The following PIKFYVE variants were observed in gnomAD, a reference collection of about 807,000 sequenced individuals.
The protein encoded by PIKFYVE is phosphoinositide kinase, FYVE-type zinc finger containing.
PIKFYVE carries 122 observed loss-of-function variants against 257.9 expected under a neutral mutation model. That is an observed-to-expected ratio of 0.47 (90% CI 0.41 to 0.55). PIKFYVE has a LOEUF of 0.55. Among genes scored for constraint, PIKFYVE ranks in the 20% least tolerant of loss-of-function variants. The pLI is 0.00. For synonymous variants in PIKFYVE, 892 were observed against 868.9 expected (o/e 1.03, Z -0.47); for missense variants, 2,160 against 2,536.6 (o/e 0.85, Z 3.19).
rs748688653 is a variant in PIKFYVE, at chr2:208,354,629, A to C, written c.6165A>C (p.Gly2055=). The C allele has an allele frequency of 5.0e-6, 8 of 1,612,762 alleles. No homozygotes were observed. The African/African-American group carries it at 9.3e-5, about 19-fold the overall frequency. ...TTGAGATGGTTGTGAAATCAACAGG[A>C]ATTTTAGGTGGACAAGGTGAGAATT... The part of the protein sequence containing the change: ...KKLEMVVKST[G]ILGGQGKMPT... Residue 2055 remains glycine (G), a synonymous_variant, in exon 41 of 42, where the codon GGA becomes GGC. Transcript: ENST00000264380.
At chr2:208,303,796 G>C (rs931372750) in intron 10 of PIKFYVE, among the ~76,000 whole-genome samples, 1 of 152,230 alleles carries the variant, frequency 6.6e-6, no homozygotes, top group African/African-American at 2.4e-5. Context: ...AAATATTGGT[G>C]TGGCATGATT....
rs994697 is a variant in PIKFYVE, at chr2:208,350,862, A to G, written c.5526A>G (p.Glu1842=). 0.97 allele frequency: 1,568,586 copies of G among 1,614,090 alleles called. 763,677 individuals carry two copies. Among genetic ancestry groups the G allele is most frequent in the Non-Finnish European group, 0.98 (1,160,994 of 1,180,042 alleles). ...GTGAAGTGATTCTGGACAGCAGTGAAGAAGATTTCATTCGTTCCCTCTCCC... is the reference window on the plus strand; with the variant it reads ...GTGAAGTGATTCTGGACAGCAGTGAGGAAGATTTCATTCGTTCCCTCTCCC... ...KMREVILDSS[E]EDFIRSLSHS... The change falls in exon 37 of 42, where the codon GAA becomes GAG. Residue 1842 remains glutamate, a synonymous_variant. Coordinates refer to ENST00000264380, the MANE Select transcript of PIKFYVE (RefSeq NM_015040.4).
At position 208,345,148 on chromosome 2, in the gene PIKFYVE, A is replaced by C. The variant is rs372416982; in HGVS notation, c.5065A>C (p.Lys1689Gln). The change falls in exon 33 of 42, where the codon AAA (lysine) becomes CAA (glutamine). Residue 1689 changes from lysine to glutamine, a missense_variant. Physicochemically the swap from Lys to Gln is moderately conservative, Grantham distance 53. Around this residue, in one of 12 missense-constraint regions of PIKFYVE, gnomAD observed 699 missense variants for 855.8 expected, o/e 0.82. Coordinates refer to ENST00000264380, the MANE Select transcript of PIKFYVE (RefSeq NM_015040.4). The stretch of plus-strand genomic sequence containing the variant: ...CCGAAATGCCTTAGAGGAATTGTCT[A>C]AAGCGACTCAGTGGAACAGTGCCGA... ...EYRNALEELS[K>Q]ATQWNSAEEG... 1.2e-6 allele frequency: 2 copies of C among 1,612,936 alleles called. No homozygotes were observed. Among genetic ancestry groups the C allele is most frequent in the Admixed American group, 3.3e-5 (2 of 59,998 alleles).
At chr2:208,345,005 G>C in intron 32 of PIKFYVE, 106 bp from the exon 33 acceptor site, 1 of 783,190 alleles carries the variant, frequency 1.3e-6, no homozygotes. Flanking sequence ...TTATGGAAAC[G>C]TATAATGATT....
intron 35 of PIKFYVE, among the ~76,000 whole-genome samples, chr2:208,348,268 A>G (rs1202401743): frequency 1.3e-5 from 2 of 152,306 alleles, no homozygotes; most frequent in Non-Finnish European, 1.5e-5. Flanking sequence ...CATAACGTGT[A>G]AAGTGGCAAA....
intron 7 of PIKFYVE, among the ~76,000 whole-genome samples, chr2:208,294,699 C>G (rs1222543633): frequency 6.6e-6 from 1 of 151,988 alleles, no homozygotes; most frequent in Admixed American, 6.6e-5. Context: ...ATTTTTCTTC[C>G]CCCATGTGGA....
At chr2:208,290,695 T>G (rs1256504111) in intron 7 of PIKFYVE, among the ~76,000 whole-genome samples, 1 of 152,196 alleles carries the variant, frequency 6.6e-6, no homozygotes, top group East Asian at 1.9e-4. Context: ...ACTGCTAGAC[T>G]TTTTTCCAAA....
intron 14 of PIKFYVE, 113 bp downstream of exon 14, chr2:208,314,536 A>T (rs1695263639): frequency 1.6e-6 from 2 of 1,236,500 alleles, no homozygotes; most frequent in African/African-American, 1.5e-5. Context: ...TTTCCTTAGA[A>T]AGTAAAAAAA....
intron 31 of PIKFYVE, among the ~76,000 whole-genome samples, chr2:208,341,583 A>G (rs1410824757): frequency 6.6e-6 from 1 of 152,136 alleles, no homozygotes; most frequent in Non-Finnish European, 1.5e-5. Flanking sequence ...TAGAAGTCTG[A>G]GATGAGGGTG....
In PIKFYVE at chr2:208,277,689, A is replaced by G; in HGVS notation, c.594A>G (p.Gly198=). 1 of 1,613,846 alleles carries G rather than the reference A, an allele frequency of 6.2e-7. No homozygotes were observed. The highest frequency in any genetic ancestry group is 8.5e-7 in the Non-Finnish European group (1 of 1,179,728). The part of the protein sequence containing the change: ...CSRCCNQEIP[G]KFMGYTGDLR... ...GTTGCTGTAATCAAGAAATCCCTGGAAAATTTATGGGCTATACAGGTAAAT... is the reference window on the plus strand; with the variant it reads ...GTTGCTGTAATCAAGAAATCCCTGGGAAATTTATGGGCTATACAGGTAAAT... Residue 198 remains glycine, a synonymous_variant, in exon 5 of 42, where the codon GGA becomes GGG. Coordinates refer to ENST00000264380, the MANE Select transcript of PIKFYVE (RefSeq NM_015040.4).
intron 12 of PIKFYVE, among the ~76,000 whole-genome samples, chr2:208,305,732 G>A (rs1293324458): frequency 6.6e-6 from 1 of 152,058 alleles, no homozygotes; most frequent in Admixed American, 6.6e-5. Context: ...ACTTTATTGG[G>A]TATAATTAAA....
At position 208,356,092 on chromosome 2, in the gene PIKFYVE, T is replaced by C. The variant is rs1700146927; in HGVS notation, c.*787T>C. On this transcript the variant is annotated 3_prime_UTR_variant, in exon 42 of 42. Coordinates refer to ENST00000264380, the MANE Select transcript of PIKFYVE (RefSeq NM_015040.4). ...TAGGGTTTTTTCTCTATTTTTAGGG[T>C]ATCATAGTAAATCATTAGTAAATGA... 6.6e-6 allele frequency: 1 copy of C among 152,234 alleles called. No individual in the cohort carries two copies. The highest frequency in any genetic ancestry group is 1.5e-5 in the Non-Finnish European group (1 of 68,040). 9.4% of individuals were successfully genotyped at this position (152,234 alleles called of 1,614,324 possible). A position where few individuals can be genotyped will look rare whatever the true frequency, so the allele number is the denominator to read the frequency against.
At chr2:208,290,025 C>T (rs1200231987) in intron 7 of PIKFYVE, among the ~76,000 whole-genome samples, 1 of 151,984 alleles carries the variant, frequency 6.6e-6, no homozygotes, top group East Asian at 1.9e-4. Context: ...AGAGAGTTCC[C>T]CTATAGCCCC....
At chr2:208,344,597 A>G (rs1699048424) in intron 32 of PIKFYVE, among the ~76,000 whole-genome samples, 2 of 152,120 alleles carry the variant, frequency 1.3e-5, no homozygotes, top group South Asian at 4.1e-4. Flanking sequence ...TTAGAAAAAC[A>G]ATACATCCTA....
In PIKFYVE at chr2:208,352,744, G is replaced by T; in HGVS notation, c.5806G>T (p.Val1936Phe). The T allele has an allele frequency of 5.6e-6, 9 of 1,613,724 alleles. No homozygotes were observed. The highest frequency in any genetic ancestry group is 7.6e-6 in the Non-Finnish European group (9 of 1,179,794). Residue 1936 changes from valine (V) to phenylalanine (F), a missense_variant, in exon 39 of 42, where the codon GTC becomes TTC. Transcript: ENST00000264380. ...NNTEKKLDLL[V>F]MENLFYGRKM... ...CACTGAGAAGAAGTTAGATCTCCTT[G>T]TCATGGAAAATCTTTTCTACGGGAG...
At chr2:208,336,436 A>G (rs550021171) in intron 27 of PIKFYVE, among the ~76,000 whole-genome samples, 9 of 152,210 alleles carry the variant, frequency 5.9e-5, no homozygotes, top group African/African-American at 9.6e-5. Context: ...TGCTGTTTCT[A>G]ATATAATTTG....
chr2:208,271,387 C>T, intron 1 of PIKFYVE, 124 bp from the exon 2 acceptor site: 10 of 897,890 alleles, frequency 1.1e-5, no homozygotes, highest in Non-Finnish European at 1.7e-5. Context: ...GATTTATTTA[C>T]TGTTTGTTTT....
In PIKFYVE at chr2:208,347,951, G is replaced by A. The variant is rs371529710; in HGVS notation, c.5302G>A (p.Ala1768Thr). The change falls in exon 35 of 42, where the codon GCA (alanine) becomes ACA (threonine). Residue 1768 changes from alanine to threonine, a missense_variant. Ala to Thr is a moderately conservative substitution (Grantham distance 58). Around this residue, in one of 12 missense-constraint regions of PIKFYVE, gnomAD observed 699 missense variants for 855.8 expected, o/e 0.82. Transcript: ENST00000264380. ...CCAGAAGAGAGAGACCTTACGTGGAGCAGATAGTGCTTACTACCAGGTTGG... is the reference window on the plus strand; with the variant it reads ...CCAGAAGAGAGAGACCTTACGTGGAACAGATAGTGCTTACTACCAGGTTGG... ...SSQKRETLRG[A>T]DSAYYQVGQT... 2.1e-5 allele frequency: 34 copies of A among 1,613,968 alleles called. No individual in the cohort carries two copies. Among genetic ancestry groups the A allele is most frequent in the Admixed American group, 1.8e-4 (11 of 60,008 alleles).
intron 12 of PIKFYVE, among the ~76,000 whole-genome samples, chr2:208,306,920 A>T (rs1694394100): frequency 6.6e-6 from 1 of 151,940 alleles, no homozygotes; most frequent in Non-Finnish European, 1.5e-5. Flanking sequence ...TGGGATTACC[A>T]GTGCGCACCA....
Sources: gnomAD v4.1 joint callset for allele counts (sites outside exome capture counted in the v4.1 genomes callset) on GRCh38, gnomAD v4.1.1 for gene constraint, gnomAD v4.1.1 regional missense constraint, MANE v1.5 for transcripts, NCBI Gene and HGNC (gene_info 2026-07-23, HGNC 2026-07-21) for gene names.